Variants in ANKRD31 observed in about 807,000 individuals in gnomAD.
ANKRD31 encodes the protein ankyrin repeat domain 31, also known as ankyrin repeat domain-containing protein 31.
Under a neutral mutation model 186.0 loss-of-function variants are expected in ANKRD31, and 147 were observed. That is an observed-to-expected ratio of 0.79 (90% CI 0.69 to 0.91). The LOEUF (loss-of-function observed/expected upper bound fraction) is 0.91. Among genes scored for constraint, ANKRD31 ranks in the 40% least tolerant of loss-of-function variants. The pLI is 0.00. For missense variants in ANKRD31, 1,986 were observed against 2,148.8 expected, an observed-to-expected ratio of 0.92 and a Z score of 1.50; for synonymous variants, 673 against 736.4, an observed-to-expected ratio of 0.91 and a Z score of 1.39.
At position 75,133,143 on chromosome 5, in the gene ANKRD31, A is replaced by G. The variant is rs112672607; in HGVS notation, c.3876+4713T>C. Among the ~76,000 whole-genome samples, 1,296 of 152,314 alleles carry G rather than the reference A, an allele frequency of 8.5e-3. 19 individuals are homozygous for G. Among genetic ancestry groups the G allele is most frequent in the African/African-American group, 0.029 (1,186 of 41,570 alleles). ...AACCAGCTAACACCATAATGACAGG[A>G]TCAAATTCACACATAACTATATTAA... On this transcript the variant is annotated intron_variant, in intron 17 of 25. Transcript: ENST00000506364.
intron 9 of ANKRD31, 96 bp from the exon 10 acceptor site, chr5:75,188,744 G>A (rs1029654220): frequency 4.7e-5 from 50 of 1,056,822 alleles, no homozygotes; most frequent in Non-Finnish European, 6.3e-5. Flanking sequence ...CAAACTTCAC[G>A]AACATAGGTA....
intron 22 of ANKRD31, among the ~76,000 whole-genome samples, chr5:75,092,420 C>T (rs977667932): frequency 1.3e-5 from 2 of 152,070 alleles, no homozygotes; most frequent in Non-Finnish European, 2.9e-5. Flanking sequence ...CAATTTGTCC[C>T]CCTAGGACAT....
intron 4 of ANKRD31, among the ~76,000 whole-genome samples, chr5:75,207,806 T>C (rs1756353389): frequency 6.6e-6 from 1 of 152,036 alleles, no homozygotes; most frequent in Non-Finnish European, 1.5e-5. Context: ...TCCTTAGTCT[T>C]TTCTTTTTTT....
chr5:75,230,545 A>G lies in ANKRD31; in HGVS notation c.178+17T>C. The G allele has an allele frequency of 1.3e-6, 2 of 1,527,110 alleles. No individual in the cohort carries two copies. Among genetic ancestry groups the G allele is most frequent in the Non-Finnish European group, 1.8e-6 (2 of 1,138,412 alleles). The allele number at this position is 1,527,110 out of a possible 1,614,324, so 94.6% of individuals were successfully genotyped here. A position where few individuals can be genotyped will look rare whatever the true frequency, so the allele number is the denominator to read the frequency against. ...GGGAAACTAAAGGGACTACTTAATG[A>G]AAAGAATCATTCTCACCTTTGCACA... On this transcript the variant is annotated intron_variant, in intron 2 of 25. Transcript: ENST00000506364.
intron 24 of ANKRD31, among the ~76,000 whole-genome samples, chr5:75,081,886 C>G (rs1219600924): frequency 6.6e-6 from 1 of 152,066 alleles, no homozygotes; most frequent in Non-Finnish European, 1.5e-5. Context: ...TATTAGTCAT[C>G]CAAAGTCTAT....
chr5:75,162,747 TG>T (rs1207558231), intron 11 of ANKRD31, among the ~76,000 whole-genome samples: 1 of 152,096 alleles, frequency 6.6e-6, no homozygotes, highest in Non-Finnish European at 1.5e-5. Context: ...TCTCCCATAC[TG>T]TTCTCATGTT....
chr5:75,233,023 A>T (rs1292293840), intron 1 of ANKRD31, among the ~76,000 whole-genome samples: 2 of 151,948 alleles, frequency 1.3e-5, no homozygotes, highest in Non-Finnish European at 2.9e-5. Context: ...CCCAATACAA[A>T]AGCACATAGG....
chr5:75,127,739 A>T (rs758390298), intron 17 of ANKRD31, among the ~76,000 whole-genome samples: 112 of 152,194 alleles, frequency 7.4e-4, no homozygotes, highest in Non-Finnish European at 1.3e-3. Context: ...CACATGAAAA[A>T]TACTGAGTCT....
In ANKRD31 at chr5:75,068,680, T is replaced by A; in HGVS notation, c.5648-16A>T. 13 of 1,464,134 alleles carry A rather than the reference T, an allele frequency of 8.9e-6. No homozygotes were observed. The highest frequency in any genetic ancestry group is 1.2e-5 in the Non-Finnish European group (13 of 1,114,312). 90.7% of individuals were successfully genotyped at this position (1,464,134 alleles called of 1,614,324 possible). A position where few individuals can be genotyped will look rare whatever the true frequency, so the allele number is the denominator to read the frequency against. On this transcript the variant is annotated splice_polypyrimidine_tract_variant and intron_variant, in intron 25 of 25. Coordinates refer to ENST00000506364, the MANE Select transcript of ANKRD31 (RefSeq NM_001372053.1). ...CTGGAAGTTCCTGTTTAAAGAAGTA[T>A]CAACAAATTAAAAACTGCCCTCTGA...
chr5:75,193,648 T>C lies in ANKRD31; in HGVS notation c.1018-57A>G, dbSNP rs1214113933. On this transcript the variant is annotated intron_variant, in intron 7 of 25. Transcript: ENST00000506364. ...TACAACACTGCAAAAAAATTAAAAC[T>C]ATAAGAAGTTAAATTTTGTCTTGAC... The C allele has an allele frequency of 4.1e-6, 6 of 1,446,878 alleles. No individual in the cohort carries two copies. The Middle Eastern group carries it at 7.1e-4, about 171-fold the overall frequency. The allele number at this position is 1,446,878 out of a possible 1,614,324, so 89.6% of individuals were successfully genotyped here.
chr5:75,163,913 T>TA (rs1226229548), intron 11 of ANKRD31, among the ~76,000 whole-genome samples: 1 of 152,220 alleles, frequency 6.6e-6, no homozygotes, highest in Non-Finnish European at 1.5e-5. Context: ...AATATGTCTG[T>TA]AAATTTAACA....
chr5:75,210,827 C>T lies in ANKRD31; in HGVS notation c.326+1G>A. On this transcript the variant is annotated splice_donor_variant, in intron 4 of 25. Coordinates refer to ENST00000506364, the MANE Select transcript of ANKRD31 (RefSeq NM_001372053.1). LOFTEE classifies it high-confidence loss of function. Reference sequence around the variant, plus strand: ...ATGAAGCCAAAAATTAGTATACTTACTGTAACAGAGCTTGATTTCGTTCTG... The same window carrying T: ...ATGAAGCCAAAAATTAGTATACTTATTGTAACAGAGCTTGATTTCGTTCTG... 1 of 1,506,954 alleles carries T rather than the reference C, an allele frequency of 6.6e-7. No individual in the cohort carries two copies. Among genetic ancestry groups the T allele is most frequent in the East Asian group, 2.5e-5 (1 of 39,846 alleles). The allele number at this position is 1,506,954 out of a possible 1,614,324, so 93.3% of individuals were successfully genotyped here.
At chr5:75,179,154 G>C (rs541287684) in intron 10 of ANKRD31, among the ~76,000 whole-genome samples, 9 of 151,972 alleles carry the variant, frequency 5.9e-5, no homozygotes, top group African/African-American at 1.7e-4. Context: ...TAAATTCCTC[G>C]ACACATACAC....
At chr5:75,174,269 A>T in intron 10 of ANKRD31, among the ~76,000 whole-genome samples, 1 of 152,218 alleles carries the variant, frequency 6.6e-6, no homozygotes, top group African/African-American at 2.4e-5. Flanking sequence ...CTAAAACCAT[A>T]AAAACCCTAG....
chr5:75,143,894 T>A, intron 15 of ANKRD31, 107 bp downstream of exon 15: 2 of 393,376 alleles, frequency 5.1e-6, no homozygotes, highest in Non-Finnish European at 9.0e-6. Flanking sequence ...AGTGAATAAC[T>A]ACAAAAAGAA....
At chr5:75,195,126 T>C (rs1052996800) in intron 7 of ANKRD31, among the ~76,000 whole-genome samples, 7 of 152,084 alleles carry the variant, frequency 4.6e-5, no homozygotes, top group African/African-American at 1.7e-4. Context: ...TTCTCAGACA[T>C]AGAAGTCAAA....
At chr5:75,172,815 G>A (rs976697272) in intron 10 of ANKRD31, among the ~76,000 whole-genome samples, 14 of 152,128 alleles carry the variant, frequency 9.2e-5, no homozygotes, top group Non-Finnish European at 1.9e-4. Flanking sequence ...GGTACAAAGA[G>A]GAGCTGGTAC....
At chr5:75,074,740 AGTAAAG>A (rs1010845494) in intron 25 of ANKRD31, among the ~76,000 whole-genome samples, 2 of 152,196 alleles carry the variant, frequency 1.3e-5, no homozygotes, top group Non-Finnish European at 2.9e-5. Context: ...TTTTTTTTAA[AGTAAAG>A]GTAAAGATAC....
At chr5:75,181,911 C>T (rs1393523643) in intron 10 of ANKRD31, among the ~76,000 whole-genome samples, 1 of 150,628 alleles carries the variant, frequency 6.6e-6, no homozygotes, top group Non-Finnish European at 1.5e-5. Flanking sequence ...AAAGAAGCCA[C>T]ATGTTGAACA....
Sources: gnomAD v4.1 joint callset for allele counts (sites outside exome capture counted in the v4.1 genomes callset) on GRCh38, gnomAD v4.1.1 for gene constraint, MANE v1.5 for transcripts, NCBI Gene and HGNC (gene_info 2026-07-23, HGNC 2026-07-21) for gene names.